Variants in FUT8 observed in about 807,000 individuals in gnomAD.
FUT8 encodes alpha-(1,6)-fucosyltransferase.
In FUT8, 29 loss-of-function variants were observed where a neutral mutation model predicts 71.3. The observed-to-expected ratio is 0.41, with a 90% CI of 0.30 to 0.55. The LOEUF is 0.55. FUT8 is among the 20% of genes least tolerant of loss of function. The pLI, the probability that FUT8 is intolerant of heterozygous loss-of-function variation, is 0.34. For missense variants in FUT8, 544 were observed against 702.1 expected, an observed-to-expected ratio of 0.77 and a Z score of 2.55; for synonymous variants, 254 against 239.3, an observed-to-expected ratio of 1.06 and a Z score of -0.57.
chr14:65,515,666 GTTA>G (rs922680797), intron 2 of FUT8, among the ~76,000 whole-genome samples: 56 of 152,232 alleles, frequency 3.7e-4, no homozygotes, highest in African/African-American at 1.3e-3. Context: ...TTAAATTAGT[GTTA>G]TTGTTGAGTT....
intron 9 of FUT8, among the ~76,000 whole-genome samples, chr14:65,726,145 A>G (rs998467346): frequency 4.6e-5 from 7 of 152,250 alleles, no homozygotes; most frequent in Non-Finnish European, 1.0e-4. Flanking sequence ...AAAAAAATGT[A>G]TAGTTTACCA....
In FUT8 at chr14:65,660,284, A is replaced by C. The variant is rs190260731; in HGVS notation, c.598-8959A>C. Among the ~76,000 whole-genome samples the C allele has an allele frequency of 6.6e-6, 1 of 152,224 alleles. No homozygotes were observed. The highest frequency in any genetic ancestry group is 1.5e-5 in the Non-Finnish European group (1 of 67,992). On this transcript the variant is annotated intron_variant, in intron 6 of 10. Coordinates refer to ENST00000673929, the MANE Select transcript of FUT8 (RefSeq NM_001371533.1). This position sits in a 1 kb window ranked among gnomAD's most constrained non-coding sequence, Gnocchi z 4.1. ...AGCCTCAGTGGAAGAAATGCCCCAC[A>C]TTTGCTTGTTGCTTTCTATTGGATT...
intron 1 of FUT8, among the ~76,000 whole-genome samples, chr14:65,435,975 C>T (rs1327587682): frequency 7.1e-6 from 1 of 140,952 alleles, no homozygotes; most frequent in Non-Finnish European, 1.5e-5. Flanking sequence ...GTTACCCAGA[C>T]TGGAGTGCAG....
chr14:65,444,799 A>C (rs2065713437), intron 1 of FUT8, among the ~76,000 whole-genome samples: 1 of 152,168 alleles, frequency 6.6e-6, no homozygotes, highest in Non-Finnish European at 1.5e-5. Flanking sequence ...CCCTCTGAAA[A>C]TTCATGTTGA....
At chr14:65,720,729 C>T (rs1182500119) in intron 7 of FUT8, among the ~76,000 whole-genome samples, 1 of 152,132 alleles carries the variant, frequency 6.6e-6, no homozygotes, top group Non-Finnish European at 1.5e-5. Context: ...CTTTCAAGTT[C>T]ATTTAGGGCC....
intron 2 of FUT8, among the ~76,000 whole-genome samples, chr14:65,541,918 C>CA (rs1304492109): frequency 4.6e-5 from 7 of 152,150 alleles, no homozygotes; most frequent in African/African-American, 1.7e-4. Context: ...TTTTCTCTTG[C>CA]AATTCTTAAA....
intron 7 of FUT8, among the ~76,000 whole-genome samples, chr14:65,702,719 T>C (rs1022337424): frequency 2.0e-5 from 3 of 151,952 alleles, no homozygotes; most frequent in African/African-American, 7.2e-5. Context: ...TTGAGGCGTG[T>C]GTTACATAGG....
chr14:65,512,135 G>A (rs1047562262), intron 2 of FUT8, among the ~76,000 whole-genome samples: 3 of 152,180 alleles, frequency 2.0e-5, no homozygotes, highest in Non-Finnish European at 2.9e-5. Flanking sequence ...GTACCTAAAC[G>A]TAGAAAAGGT....
chr14:65,367,244 A>C, the FUT8 span, among the ~76,000 whole-genome samples: 1 of 152,206 alleles, frequency 6.6e-6, no homozygotes, highest in Non-Finnish European at 1.5e-5. Flanking sequence ...TGAATCATTA[A>C]TTTATGAGGA....
At chr14:65,512,325 C>G (rs1882402376) in intron 2 of FUT8, among the ~76,000 whole-genome samples, 1 of 152,062 alleles carries the variant, frequency 6.6e-6, no homozygotes, top group Non-Finnish European at 1.5e-5. Flanking sequence ...ACCACCATGC[C>G]CAGCTAAGTT....
chr14:65,476,574 A>C (rs2066244179), intron 2 of FUT8, among the ~76,000 whole-genome samples: 1 of 151,672 alleles, frequency 6.6e-6, no homozygotes, highest in Non-Finnish European at 1.5e-5. Flanking sequence ...GAGGGTCAGG[A>C]AAGGTCTCAC....
At chr14:65,506,597 C>T (rs1279173000) in intron 2 of FUT8, among the ~76,000 whole-genome samples, 1 of 152,026 alleles carries the variant, frequency 6.6e-6, no homozygotes, top group Non-Finnish European at 1.5e-5. Context: ...TAAGGACAAC[C>T]AGTGAATTGT....
intron 7 of FUT8, among the ~76,000 whole-genome samples, chr14:65,694,611 C>T (rs886157299): frequency 6.6e-6 from 1 of 152,074 alleles, no homozygotes; most frequent in Non-Finnish European, 1.5e-5. Context: ...TATTGTGGCA[C>T]TATTCACAAT....
intron 2 of FUT8, among the ~76,000 whole-genome samples, chr14:65,519,730 C>T (rs1882957331): frequency 6.6e-6 from 1 of 152,066 alleles, no homozygotes; most frequent in Non-Finnish European, 1.5e-5. Context: ...AACCAGAGTT[C>T]ACTTTGATAC....
chr14:65,522,508 C>A (rs888266785), intron 2 of FUT8, among the ~76,000 whole-genome samples: 1 of 152,098 alleles, frequency 6.6e-6, no homozygotes, highest in Admixed American at 6.5e-5. Flanking sequence ...GACAAAAGAA[C>A]TGCTTTCAAG....
chr14:65,551,652 T>C (rs555515279), intron 2 of FUT8, among the ~76,000 whole-genome samples: 1 of 152,290 alleles, frequency 6.6e-6, no homozygotes, highest in East Asian at 1.9e-4. Flanking sequence ...TTCACAGGTG[T>C]CTACTTTGCA....
chr14:65,664,014 T>C (rs1028423658), intron 6 of FUT8, among the ~76,000 whole-genome samples: 2 of 152,016 alleles, frequency 1.3e-5, no homozygotes, highest in African/African-American at 4.8e-5. Context: ...GTAGGGGAAA[T>C]TGGGTGTTAG....
intron 6 of FUT8, among the ~76,000 whole-genome samples, chr14:65,654,562 G>T (rs1448810368): frequency 6.7e-6 from 1 of 149,380 alleles, no homozygotes; most frequent in Non-Finnish European, 1.5e-5. Context: ...CTACACTCCA[G>T]CCTGGGCGAC....
At chr14:65,376,176 G>A in the FUT8 span, among the ~76,000 whole-genome samples, 10 of 152,144 alleles carry the variant, frequency 6.6e-5, no homozygotes, top group South Asian at 2.1e-4. Flanking sequence ...AGAACTTTCC[G>A]CAGAAGAAAA....
Sources: gnomAD v4.1 joint callset for allele counts (sites outside exome capture counted in the v4.1 genomes callset) on GRCh38, gnomAD v4.1.1 for gene constraint, Gnocchi (gnomAD v3.1) non-coding constraint, MANE v1.5 for transcripts, NCBI Gene and HGNC (gene_info 2026-07-23, HGNC 2026-07-21) for gene names.